Variants in CDH18 observed in about 807,000 individuals in gnomAD.
CDH18 encodes the protein cadherin 18.
Under a neutral mutation model 67.9 loss-of-function variants are expected in CDH18, and 31 were observed. That is an observed-to-expected ratio of 0.46 (90% CI 0.34 to 0.62). The LOEUF is 0.62. CDH18 is among the 20% of genes least tolerant of loss of function. The pLI is 0.01. For synonymous variants in CDH18, 362 were observed against 347.2 expected (o/e 1.04, Z -0.48); for missense variants, 890 against 975.5 (o/e 0.91, Z 1.17).
intron 1 of CDH18, among the ~76,000 whole-genome samples, chr5:20,511,457 T>C (rs1462283334): frequency 6.6e-6 from 1 of 152,084 alleles, no homozygotes; most frequent in African/African-American, 2.4e-5. Flanking sequence ...TTTTTTATAA[T>C]ACTGGGAGAA....
Position 20,269,065 on chromosome 5 carries a change from G to A in CDH18, c.-579-13560C>T, listed in dbSNP as rs577612984. On this transcript the variant is annotated intron_variant, in intron 1 of 14. Coordinates refer to the CDH18 transcript ENST00000507958. Reference sequence around the variant, plus strand: ...AACCAAATAATCCCATTAAAAATGGGCAAAGGATAAGAATAGATATTTTTT... The same window carrying A: ...AACCAAATAATCCCATTAAAAATGGACAAAGGATAAGAATAGATATTTTTT... Among the ~76,000 whole-genome samples, 33 of 152,170 alleles carry A rather than the reference G, an allele frequency of 2.2e-4. No homozygotes were observed. The South Asian group carries it at 6.0e-3, about 28-fold the overall frequency.
At chr5:20,293,506 T>G (rs1177188361) in intron 1 of CDH18, among the ~76,000 whole-genome samples, 1 of 152,078 alleles carries the variant, frequency 6.6e-6, no homozygotes. Context: ...TTGTCCAACA[T>G]GGAAAAGTAG....
chr5:19,574,300 T>C (rs1741946147), intron 7 of CDH18, among the ~76,000 whole-genome samples: 2 of 152,186 alleles, frequency 1.3e-5, no homozygotes. Flanking sequence ...ATATATATTT[T>C]ACTACTCCAG....
chr5:19,833,026 T>C (rs750592152), intron 3 of CDH18, among the ~76,000 whole-genome samples: 2 of 152,182 alleles, frequency 1.3e-5, no homozygotes, highest in African/African-American at 4.8e-5. Context: ...TGATTTCATA[T>C]GCAATTTAAA....
intron 3 of CDH18, among the ~76,000 whole-genome samples, chr5:19,832,211 T>C (rs959113020): frequency 1.3e-5 from 2 of 152,060 alleles, no homozygotes; most frequent in African/African-American, 4.8e-5. Flanking sequence ...CATCGCACAA[T>C]ATATACATGT....
chr5:19,952,703 A>C (rs1377133746), intron 2 of CDH18, among the ~76,000 whole-genome samples: 2 of 152,164 alleles, frequency 1.3e-5, no homozygotes, highest in Non-Finnish European at 2.9e-5. Context: ...CAACACATAG[A>C]ACTGGCCACT....
Position 19,811,094 on chromosome 5 carries a change from G to A in CDH18, c.228+27665C>T, listed in dbSNP as rs866615607. ...AGAAAGAGAAAAAGAAAGAAAGAAA[G>A]AAAGAAAGAAAGAAAGAAAGAAAGA... On this transcript the variant is annotated intron_variant, in intron 3 of 12. Transcript: ENST00000382275. 9.1e-3 allele frequency among the ~76,000 whole-genome samples: 302 copies of A among 33,108 alleles called. 4 individuals carry two copies. The highest frequency in any genetic ancestry group is 0.039 in the African/African-American group (290 of 7,378). The allele number at this position is 33,108 out of a possible 152,430, so 21.7% of individuals were successfully genotyped here. A position where few individuals can be genotyped will look rare whatever the true frequency, so the allele number is the denominator to read the frequency against.
intron 5 of CDH18, among the ~76,000 whole-genome samples, chr5:19,706,234 C>A (rs967655203): frequency 6.6e-6 from 1 of 152,116 alleles, no homozygotes; most frequent in East Asian, 1.9e-4. Context: ...TAGAATGTAC[C>A]CTTTTACATC....
intron 1 of CDH18, among the ~76,000 whole-genome samples, chr5:20,477,671 C>T (rs1461622041): frequency 1.3e-5 from 2 of 152,148 alleles, no homozygotes; most frequent in African/African-American, 4.8e-5. Context: ...CTAAAGCGAT[C>T]TGGAATGCAA....
chr5:20,190,287 G>A lies in CDH18; in HGVS notation c.-518+65157C>T, dbSNP rs191696630. On this transcript the variant is annotated intron_variant, in intron 2 of 14. Coordinates refer to the CDH18 transcript ENST00000507958. The stretch of plus-strand genomic sequence containing the variant: ...CTTCAGTTACATCAATCCTTGGAGT[G>A]AAAGCTGTTTCTTGGAACTACTCAT... 3.3e-4 allele frequency among the ~76,000 whole-genome samples: 50 copies of A among 152,246 alleles called. No homozygotes were observed. In the East Asian group the frequency reaches 9.7e-3, roughly 29 times the overall value.
At chr5:20,015,127 A>C (rs1375316392) in intron 2 of CDH18, among the ~76,000 whole-genome samples, 1 of 152,152 alleles carries the variant, frequency 6.6e-6, no homozygotes, top group Non-Finnish European at 1.5e-5. Flanking sequence ...ATCTATCTGC[A>C]TGGTAGATTT....
rs1009132635 is a variant in CDH18 at position 19,903,349 on chromosome 5, T to C, written c.-256-64107A>G. ...CAGAAAATTAGAATTTTTTGTAGGT[T>C]ATTAACCTTACCACTTGAAATAGTG... On this transcript the variant is annotated intron_variant, in intron 2 of 12. Transcript: ENST00000382275. Among the ~76,000 whole-genome samples the C allele has an allele frequency of 9.6e-4, 146 of 151,808 alleles. 1 individual carries two copies. The highest frequency in any genetic ancestry group is 3.3e-3 in the African/African-American group (138 of 41,520).
intron 1 of CDH18, among the ~76,000 whole-genome samples, chr5:20,482,450 T>G (rs1752879438): frequency 6.6e-6 from 1 of 152,026 alleles, no homozygotes; most frequent in Non-Finnish European, 1.5e-5. Flanking sequence ...AGTAATACCC[T>G]GATACCAAAA....
chr5:19,901,573 TATG>T (rs1178874771), intron 2 of CDH18, among the ~76,000 whole-genome samples: 1 of 152,052 alleles, frequency 6.6e-6, no homozygotes, highest in Non-Finnish European at 1.5e-5. Flanking sequence ...AGTCTTCAGG[TATG>T]ATGTGATGTA....
chr5:19,622,811 C>T (rs547907578), intron 5 of CDH18, among the ~76,000 whole-genome samples: 32 of 152,244 alleles, frequency 2.1e-4, no homozygotes, highest in African/African-American at 7.0e-4. Flanking sequence ...AACCTCCACA[C>T]AAGTTGATAT....
At chr5:19,489,828 T>C (rs1741099554) in intron 11 of CDH18, among the ~76,000 whole-genome samples, 1 of 152,190 alleles carries the variant, frequency 6.6e-6, no homozygotes, top group Non-Finnish European at 1.5e-5. Context: ...AATGTGCTTA[T>C]GAATAACACA....
rs1380085507 is a variant in CDH18, at chr5:19,785,667, AAAAAAAAAAAAAATATATATATATATAT to A, written c.229-38459_229-38432del. On this transcript the variant is annotated intron_variant, in intron 3 of 12. Coordinates refer to ENST00000382275, the MANE Select transcript of CDH18 (RefSeq NM_004934.5). ...AAAACTCTGTCTCAAAAAAAAAAAA[AAAAAAAAAAAAAATATATATATATATAT>A]ATATATATATATATATATATATATA... Among the ~76,000 whole-genome samples, 6 of 64,218 alleles carry A rather than the reference AAAAAAAAAAAAAATATATATATATATAT, an allele frequency of 9.3e-5. 1 individual carries two copies. The highest frequency in any genetic ancestry group is 4.2e-4 in the African/African-American group (6 of 14,194). 42.1% of individuals were successfully genotyped at this position (64,218 alleles called of 152,430 possible).
At chr5:20,113,433 G>GC (rs1747642436) in intron 2 of CDH18, among the ~76,000 whole-genome samples, 1 of 151,706 alleles carries the variant, frequency 6.6e-6, no homozygotes, top group South Asian at 2.1e-4. Context: ...TTGTCTCCCC[G>GC]CCCCACAACT....
At chr5:19,582,995 A>G (rs1056699391) in intron 7 of CDH18, among the ~76,000 whole-genome samples, 1 of 152,008 alleles carries the variant, frequency 6.6e-6, no homozygotes, top group Non-Finnish European at 1.5e-5. Flanking sequence ...ACTTTAAAAA[A>G]CAAATTTATA....
Sources: gnomAD v4.1 joint callset for allele counts (sites outside exome capture counted in the v4.1 genomes callset) on GRCh38, gnomAD v4.1.1 for gene constraint, MANE v1.5 for transcripts, NCBI Gene and HGNC (gene_info 2026-07-23, HGNC 2026-07-21) for gene names.